Variants in ANAPC4 observed in about 807,000 individuals in gnomAD.
ANAPC4 encodes anaphase-promoting complex subunit 4.
In ANAPC4, 63 loss-of-function variants were observed where a neutral mutation model predicts 119.8. The ratio of observed to expected loss-of-function variants is 0.53; its 90% CI spans 0.43 to 0.65. The LOEUF is 0.65. ANAPC4 is among the 30% of genes least tolerant of loss of function. The pLI is 0.00. For missense variants in ANAPC4, 716 were observed against 945.1 expected (o/e 0.76, Z 3.18); for synonymous variants, 283 against 318.6 (o/e 0.89, Z 1.19).
chr4:25,396,080 A>G (rs982524842), intron 14 of ANAPC4, among the ~76,000 whole-genome samples: 4 of 152,040 alleles, frequency 2.6e-5, no homozygotes, highest in Non-Finnish European at 4.4e-5. Context: ...CTTGTTCTTC[A>G]CATGCATTCT....
rs768604927 is a variant in ANAPC4, at chr4:25,392,463, G to T, written c.789+42G>T. On this transcript the variant is annotated intron_variant, in intron 10 of 28. Transcript: ENST00000315368. ...TGTTTTATGTGAATATTTATTATCGGCTTCTAAAGTTCTGTAAATAAAAAG... is the reference window on the plus strand; with the variant it reads ...TGTTTTATGTGAATATTTATTATCGTCTTCTAAAGTTCTGTAAATAAAAAG... The T allele has an allele frequency of 3.3e-6, 5 of 1,497,486 alleles. No homozygotes were observed. The East Asian group carries it at 1.1e-4, about 34-fold the overall frequency. The allele number at this position is 1,497,486 out of a possible 1,614,324, so 92.8% of individuals were successfully genotyped here. A position where few individuals can be genotyped will look rare whatever the true frequency, so the allele number is the denominator to read the frequency against.
intron 21 of ANAPC4, among the ~76,000 whole-genome samples, chr4:25,412,503 A>ACCC (rs1723627771): frequency 1.3e-5 from 2 of 151,858 alleles, no homozygotes; most frequent in African/African-American, 4.8e-5. Context: ...AAAACAAAAG[A>ACCC]TGGTAGTCCT....
intron 16 of ANAPC4, among the ~76,000 whole-genome samples, chr4:25,400,253 T>G (rs1722892203): frequency 6.6e-6 from 1 of 151,638 alleles, no homozygotes; most frequent in East Asian, 1.9e-4. Context: ...AGGTAAAAAA[T>G]TGAGATGAGA....
intron 20 of ANAPC4, 80 bp downstream of exon 20, chr4:25,407,333 C>A: frequency 9.3e-7 from 1 of 1,072,128 alleles, no homozygotes; most frequent in Non-Finnish European, 1.3e-6. Context: ...ATTACAATAC[C>A]AAGTAATACA....
At chr4:25,404,271 C>A (rs13150866) in intron 17 of ANAPC4, among the ~76,000 whole-genome samples, 3,955 of 152,180 alleles carry the variant, frequency 0.026, 91 homozygotes, top group South Asian at 0.11. Flanking sequence ...CAATACTAAC[C>A]AGAATGAGGA....
At chr4:25,414,239 G>C in intron 22 of ANAPC4, 85 bp from the exon 23 acceptor site, 2 of 963,258 alleles carry the variant, frequency 2.1e-6, no homozygotes, top group South Asian at 4.0e-5. Flanking sequence ...TACCACATTC[G>C]AACAGTGATG....
At chr4:25,394,589 G>C in intron 12 of ANAPC4, 82 bp from the exon 13 acceptor site, 1 of 1,413,064 alleles carries the variant, frequency 7.1e-7, no homozygotes, top group Non-Finnish European at 9.6e-7. Flanking sequence ...TCTTGTTTGT[G>C]CTTCGAAATT....
Position 25,394,198 on chromosome 4 carries a change from T to C in ANAPC4, c.877-112T>C, listed in dbSNP as rs958019047. 1.6e-5 allele frequency: 14 copies of C among 881,144 alleles called. No homozygotes were observed. In the Admixed American group the frequency reaches 2.5e-4, roughly 16 times the overall value. The allele number at this position is 881,144 out of a possible 1,614,324, so 54.6% of individuals were successfully genotyped here. ...GATGTTCAGATGATCACTTTATGGA[T>C]TTGATGGAAGTCTAAGGCAAGGAAA... On this transcript the variant is annotated intron_variant, in intron 11 of 28. Transcript: ENST00000315368.
At chr4:25,379,416 T>A (rs1287628600) in intron 2 of ANAPC4, among the ~76,000 whole-genome samples, 1 of 152,072 alleles carries the variant, frequency 6.6e-6, no homozygotes, top group East Asian at 1.9e-4. Flanking sequence ...TGATTGCATG[T>A]GATTCAAAGT....
At chr4:25,414,934 G>C (rs1212937183) in intron 25 of ANAPC4, among the ~76,000 whole-genome samples, 3 of 151,908 alleles carry the variant, frequency 2.0e-5, no homozygotes, top group East Asian at 3.9e-4. Context: ...ACTTTTTTTA[G>C]AGTTAGGAAA....
At chr4:25,413,930 C>CGTGTGTGTGT (rs72141989) in intron 22 of ANAPC4, 188 bp downstream of exon 22, 1 of 466,750 alleles carries the variant, frequency 2.1e-6, no homozygotes, top group Middle Eastern at 5.8e-4. Context: ...TTCTTACACA[C>CGTGTGTGTGT]GTGTGTGTGT....
intron 16 of ANAPC4, among the ~76,000 whole-genome samples, chr4:25,401,504 CCT>C (rs1268769051): frequency 3.3e-5 from 5 of 152,138 alleles, no homozygotes; most frequent in African/African-American, 4.8e-5. Context: ...AGTTTGTCCC[CCT>C]GTGTCCAGCC....
intron 21 of ANAPC4, among the ~76,000 whole-genome samples, chr4:25,411,737 A>G (rs947838178): frequency 1.3e-5 from 2 of 152,244 alleles, no homozygotes; most frequent in Middle Eastern, 3.2e-3. Flanking sequence ...ATTAATCTAC[A>G]TAAGCACTTA....
In ANAPC4 at chr4:25,377,453, C is replaced by T; in HGVS notation, c.26C>T (p.Pro9Leu). 2 of 1,614,162 alleles carry T rather than the reference C, an allele frequency of 1.2e-6. No individual in the cohort carries two copies. The highest frequency in any genetic ancestry group is 1.7e-6 in the Non-Finnish European group (2 of 1,180,012). ...ATGTTGCGTTTTCCGACCTGTTTCC[C>T]ATCCTTCCGGGTGGTGGGAGAGAAG... MLRFPTCF[P>L]SFRVVGEKQL... The change falls in exon 2 of 29, where the codon CCA (proline) becomes CTA (leucine). Residue 9 changes from proline to leucine, a missense_variant. Coordinates refer to ENST00000315368, the MANE Select transcript of ANAPC4 (RefSeq NM_013367.3).
At position 25,383,308 on chromosome 4, in the gene ANAPC4, G is replaced by A. The variant is rs1412317501; in HGVS notation, c.283G>A (p.Val95Ile). Residue 95 changes from valine (V) to isoleucine (I), a missense_variant, in exon 4 of 29, where the codon GTA (valine) becomes ATA (isoleucine). By Grantham distance (29) the Val-to-Ile change is conservative (BLOSUM62 3). Transcript: ENST00000315368. ...TACCAAGAAAATTGTTTTGTGTGAT[G>A]TAGAAAAACCTGAGAGCTTACACTC... ...ADTKKIVLCD[V>I]EKPESLHSFS... is the part of the protein sequence containing the mutation. 4 of 1,612,514 alleles carry A rather than the reference G, an allele frequency of 2.5e-6. No individual in the cohort carries two copies. Among genetic ancestry groups the A allele is most frequent in the Non-Finnish European group, 2.5e-6 (3 of 1,179,446 alleles).
intron 27 of ANAPC4, 153 bp from the exon 28 acceptor site, chr4:25,417,463 C>G (rs747510979): frequency 1.3e-6 from 1 of 776,678 alleles, no homozygotes; most frequent in Admixed American, 3.2e-5. Context: ...TATATCACAG[C>G]TTTTTTTCTA....
In ANAPC4 at chr4:25,390,963, C is replaced by A; in HGVS notation, c.653C>A (p.Ser218Ter). The A allele has an allele frequency of 1.2e-6, 2 of 1,613,942 alleles. No individual in the cohort carries two copies. The highest frequency in any genetic ancestry group is 1.7e-6 in the Non-Finnish European group (2 of 1,179,912). The change falls in exon 9 of 29, where the codon TCA (serine) becomes TAA (stop). Residue 218 changes from serine to a stop codon, truncating the protein, a stop_gained. Coordinates refer to ENST00000315368, the MANE Select transcript of ANAPC4 (RefSeq NM_013367.3). LOFTEE classifies it high-confidence loss of function. The part of the protein sequence containing the change: ...LCLSSDLKSL[S>*]VVTEVSTNGA... ...TTATCAAGTGATTTGAAATCATTAT[C>A]AGTGGTCACAGAAGTCTCTACCAAT...
chr4:25,395,665 G>A (rs2109124913), intron 14 of ANAPC4, among the ~76,000 whole-genome samples: 1 of 152,194 alleles, frequency 6.6e-6, no homozygotes, highest in East Asian at 1.9e-4. Context: ...GGCCAGACTG[G>A]CCTCAAGCTC....
rs761858918 is a variant in ANAPC4 at position 25,377,498 on chromosome 4, T to C, written c.71T>C (p.Ile24Thr). ...GAGAAGCAGCTCCCGCAGGAGATTA[T>C]TTTCCTGGTCTGGTCGCCCAAGCGG... ...VGEKQLPQEI[I>T]FLVWSPKRDL... Residue 24 changes from isoleucine (I) to threonine (T), a missense_variant, in exon 2 of 29, where the codon ATT (isoleucine) becomes ACT (threonine). By Grantham distance (89) the Ile-to-Thr change is moderately conservative (BLOSUM62 -1). Transcript: ENST00000315368. The C allele has an allele frequency of 4.3e-6, 7 of 1,614,002 alleles. No individual in the cohort carries two copies. In the Admixed American group the frequency reaches 1.2e-4, roughly 27 times the overall value.
Sources: gnomAD v4.1 joint callset for allele counts (sites outside exome capture counted in the v4.1 genomes callset) on GRCh38, gnomAD v4.1.1 for gene constraint, MANE v1.5 for transcripts, NCBI Gene and HGNC (gene_info 2026-07-23, HGNC 2026-07-21) for gene names.